The following ATXN7L1 variants were observed in gnomAD, a reference collection of about 807,000 sequenced individuals.
ATXN7L1 encodes ataxin-7-like protein 1.
Under a neutral mutation model 70.8 loss-of-function variants are expected in ATXN7L1, and 15 were observed. The ratio of observed to expected loss-of-function variants is 0.21; its 90% CI spans 0.14 to 0.33. ATXN7L1 has a LOEUF of 0.33. Among genes scored for constraint, ATXN7L1 ranks in the 10% least tolerant of loss-of-function variants. The pLI, the probability that ATXN7L1 is intolerant of heterozygous loss-of-function variation, is 1.00. For synonymous variants in ATXN7L1, 440 were observed against 445.1 expected (o/e 0.99, Z 0.14); for missense variants, 975 against 1,097.1 (o/e 0.89, Z 1.57).
intron 4 of ATXN7L1, chr7:105,649,573 A>G: frequency 1.0e-6 from 1 of 987,876 alleles, no homozygotes; most frequent in Non-Finnish European, 1.2e-6. Flanking sequence ...GCAAAAGAAC[A>G]GAGGTGGAGA....
chr7:105,751,978 A>T (rs996972184), intron 3 of ATXN7L1, among the ~76,000 whole-genome samples: 1 of 152,264 alleles, frequency 6.6e-6, no homozygotes, highest in African/African-American at 2.4e-5. Context: ...GAAGAAGCAG[A>T]ACACAAGGAT....
intron 7 of ATXN7L1, among the ~76,000 whole-genome samples, chr7:105,630,869 T>A (rs963113292): frequency 6.6e-6 from 1 of 151,934 alleles, no homozygotes; most frequent in African/African-American, 2.4e-5. Context: ...AAACTAAAAC[T>A]CCTCTAAACA....
At chr7:105,716,665 G>GCACACACACACACACACA (rs58217531) in intron 3 of ATXN7L1, among the ~76,000 whole-genome samples, 2 of 125,524 alleles carry the variant, frequency 1.6e-5, no homozygotes, top group Admixed American at 8.9e-5. Flanking sequence ...ACCTATCTCT[G>GCACACACACACACACACA]CACACACACA....
intron 4 of ATXN7L1, among the ~76,000 whole-genome samples, chr7:105,644,711 A>G (rs914827274): frequency 6.6e-6 from 1 of 152,254 alleles, no homozygotes; most frequent in African/African-American, 2.4e-5. Context: ...TTTTTCCCAA[A>G]TGATAAAAAG....
intron 2 of ATXN7L1, among the ~76,000 whole-genome samples, chr7:105,866,050 C>G (rs890028825): frequency 6.6e-6 from 1 of 152,202 alleles, no homozygotes; most frequent in Non-Finnish European, 1.5e-5. Flanking sequence ...CCCTGGAATG[C>G]TGAACTCACC....
chr7:105,695,113 T>C (rs1020384991), intron 3 of ATXN7L1, among the ~76,000 whole-genome samples: 4 of 150,184 alleles, frequency 2.7e-5, no homozygotes, highest in African/African-American at 9.9e-5. Flanking sequence ...ATCACACCAT[T>C]GCATCTCTAC....
intron 3 of ATXN7L1, among the ~76,000 whole-genome samples, chr7:105,707,730 G>A (rs1793360702): frequency 6.6e-6 from 1 of 152,146 alleles, no homozygotes. Context: ...GACCTAAAAG[G>A]GCATTTGTAT....
At chr7:105,624,654 A>AAC (rs1397084396) in intron 7 of ATXN7L1, among the ~76,000 whole-genome samples, 1 of 151,446 alleles carries the variant, frequency 6.6e-6, no homozygotes, top group Non-Finnish European at 1.5e-5. Flanking sequence ...TGTCTCAAAA[A>AAC]AAAAAAAAAA....
chr7:105,680,875 A>G (rs907707026), intron 3 of ATXN7L1, among the ~76,000 whole-genome samples: 5 of 152,220 alleles, frequency 3.3e-5, no homozygotes, highest in African/African-American at 1.2e-4. Context: ...AGATGGGAAC[A>G]GCTACTCTTG....
At chr7:105,806,735 C>T (rs1188021768) in intron 2 of ATXN7L1, among the ~76,000 whole-genome samples, 2 of 152,006 alleles carry the variant, frequency 1.3e-5, no homozygotes, top group Non-Finnish European at 2.9e-5. Context: ...GGAACGCTCG[C>T]AGAGGGAGGA....
At chr7:105,684,528 C>T (rs981158368) in intron 3 of ATXN7L1, among the ~76,000 whole-genome samples, 1 of 152,214 alleles carries the variant, frequency 6.6e-6, no homozygotes, top group Non-Finnish European at 1.5e-5. Context: ...ATAGCTGCCT[C>T]ATCCCTAAGT....
intron 3 of ATXN7L1, chr7:105,761,579 A>T: frequency 7.4e-7 from 1 of 1,348,512 alleles, no homozygotes; most frequent in Non-Finnish European, 1.0e-6. Context: ...CCTAAATTAA[A>T]CACTGGTTGC....
intron 3 of ATXN7L1, among the ~76,000 whole-genome samples, chr7:105,707,074 G>C (rs1793277071): frequency 6.6e-6 from 1 of 152,220 alleles, no homozygotes; most frequent in African/African-American, 2.4e-5. Flanking sequence ...ATGGATGCCA[G>C]TTACCACAAC....
intron 3 of ATXN7L1, among the ~76,000 whole-genome samples, chr7:105,669,341 G>T (rs1803164207): frequency 6.6e-6 from 1 of 152,116 alleles, no homozygotes; most frequent in Admixed American, 6.6e-5. Flanking sequence ...TGGGATTACA[G>T]GTGTGAGCCA....
intron 3 of ATXN7L1, among the ~76,000 whole-genome samples, chr7:105,737,474 G>T (rs1797510750): frequency 6.6e-6 from 1 of 151,996 alleles, no homozygotes; most frequent in South Asian, 2.1e-4. Flanking sequence ...TAAACAATTT[G>T]CCATTAGGTC....
intron 3 of ATXN7L1, among the ~76,000 whole-genome samples, chr7:105,708,190 G>C (rs1330605820): frequency 6.6e-6 from 1 of 152,152 alleles, no homozygotes; most frequent in African/African-American, 2.4e-5. Context: ...GGACCCAGAG[G>C]CCTGCGTACT....
intron 5 of ATXN7L1, 75 bp from the exon 6 acceptor site, chr7:105,639,644 T>A (rs550722801): frequency 1.1e-4 from 112 of 1,055,508 alleles, no homozygotes; most frequent in East Asian, 1.0e-3. Context: ...CTACATTTTT[T>A]AAAAAATGCA....
chr7:105,731,756 A>AAGAAAAGAAAAG (rs1554443695), intron 3 of ATXN7L1, among the ~76,000 whole-genome samples: 7 of 142,590 alleles, frequency 4.9e-5, no homozygotes, highest in South Asian at 4.6e-4. Flanking sequence ...TTAAAAAGAA[A>AAGAAAAGAAAAG]AGAAAAGAAA....
At chr7:105,692,432 C>CCCTCCTTCCTTCCTTCCTT (rs1563010018) in intron 3 of ATXN7L1, among the ~76,000 whole-genome samples, 4 of 96,126 alleles carry the variant, frequency 4.2e-5, no homozygotes, top group Admixed American at 2.4e-4. Flanking sequence ...CTTCCTCCCT[C>CCCTCCTTCCTTCCTTCCTT]CCTCCCTCCC....
Sources: allele counts gnomAD v4.1 joint callset (sites outside exome capture counted in the v4.1 genomes callset), GRCh38; gene constraint gnomAD v4.1.1; transcripts MANE v1.5; gene names NCBI Gene and HGNC (gene_info 2026-07-23, HGNC 2026-07-21).